ARHGEF4: variants seen among roughly 807,000 people sequenced by gnomAD.
The protein encoded by ARHGEF4 is APC-stimulated guanine nucleotide exchange factor 1.
A neutral mutation model predicts 162.0 loss-of-function variants in ARHGEF4; 119 were observed. The ratio of observed to expected loss-of-function variants is 0.73; its 90% CI spans 0.63 to 0.86. ARHGEF4 has a LOEUF of 0.86. Ranked by LOEUF, ARHGEF4 falls within the 40% of genes least tolerant of loss-of-function variation. The probability of loss-of-function intolerance (pLI) is 0.00; values close to 1 mark genes in which losing one functional copy is unlikely to be tolerated. For missense variants in ARHGEF4, 2,488 were observed against 2,456.0 expected (o/e 1.01, Z -0.28); for synonymous variants, 1,014 against 979.9 (o/e 1.03, Z -0.65).
rs1177213757 is a variant in ARHGEF4 at position 130,931,191 on chromosome 2, G to A, written c.3792G>A (p.Lys1264=). ...DLWLEKTQRK[K]LQKQAHVERR... ...GGCTGGAGAAGACACAGAGAAAGAA[G>A]TTGCAGAAGCAGGCCCACGTCGAAA... Residue 1264 remains lysine (K), a synonymous_variant, in exon 3 of 14, where the codon AAG becomes AAA. Coordinates refer to ENST00000409359, the MANE Select transcript of ARHGEF4 (RefSeq NM_001367493.1). 6.2e-7 allele frequency: 1 copy of A among 1,614,068 alleles called. No homozygotes were observed. Among genetic ancestry groups the A allele is most frequent in the Non-Finnish European group, 8.5e-7 (1 of 1,179,950 alleles).
intron 8 of ARHGEF4, 88 bp downstream of exon 8, chr2:131,040,528 C>A: frequency 7.1e-7 from 1 of 1,398,716 alleles, no homozygotes; most frequent in Non-Finnish European, 9.5e-7. Flanking sequence ...TGGCTGGTCC[C>A]AAAACCTTCC....
Position 131,046,254 on chromosome 2 carries a change from G to T in ARHGEF4, c.*65G>T. On this transcript the variant is annotated 3_prime_UTR_variant, in exon 14 of 14. Coordinates refer to ENST00000409359, the MANE Select transcript of ARHGEF4 (RefSeq NM_001367493.1). ...CAGTGGCCCCCAGTTTTTCTTCCCC[G>T]AGGCCCACTCGGCCTGGCCTTCCTC... 6.6e-7 allele frequency: 1 copy of T among 1,516,214 alleles called. No individual in the cohort carries two copies. Among genetic ancestry groups the T allele is most frequent in the Non-Finnish European group, 8.9e-7 (1 of 1,118,186 alleles). The allele number at this position is 1,516,214 out of a possible 1,614,324, so 93.9% of individuals were successfully genotyped here. A position where few individuals can be genotyped will look rare whatever the true frequency, so the allele number is the denominator to read the frequency against.
chr2:130,899,926 A>C (rs1680389901), intron 1 of ARHGEF4, among the ~76,000 whole-genome samples: 1 of 151,948 alleles, frequency 6.6e-6, no homozygotes, highest in African/African-American at 2.4e-5. Context: ...CATATGCTGC[A>C]TTTTAATTTT....
chr2:130,886,839 AT>A (rs910237634), intron 1 of ARHGEF4, among the ~76,000 whole-genome samples: 170 of 147,656 alleles, frequency 1.2e-3, no homozygotes, highest in Admixed American at 2.7e-3. Context: ...ACTTTTGGTA[AT>A]TTTTTTTTTT....
At chr2:130,950,966 A>C (rs940576005) in intron 4 of ARHGEF4, among the ~76,000 whole-genome samples, 5 of 152,198 alleles carry the variant, frequency 3.3e-5, no homozygotes, top group African/African-American at 1.2e-4. Flanking sequence ...CTTGCACTTC[A>C]GTGCTAGGGA....
chr2:130,923,415 T>C (rs1229330139), intron 2 of ARHGEF4, among the ~76,000 whole-genome samples: 1 of 152,222 alleles, frequency 6.6e-6, no homozygotes, highest in Non-Finnish European at 1.5e-5. Flanking sequence ...CATTCATCTG[T>C]TTGTCCGTCC....
intron 1 of ARHGEF4, among the ~76,000 whole-genome samples, chr2:130,908,352 CA>C (rs1208705862): frequency 1.3e-5 from 2 of 152,152 alleles, no homozygotes; most frequent in African/African-American, 2.4e-5. Flanking sequence ...AGCCTTTGGG[CA>C]GAGACTGTGG....
chr2:130,882,487 A>G (rs1679254654), intron 1 of ARHGEF4, among the ~76,000 whole-genome samples: 1 of 152,000 alleles, frequency 6.6e-6, no homozygotes, highest in African/African-American at 2.4e-5. Context: ...GGCTTTTTGC[A>G]TAAAGGCACT....
intron 4 of ARHGEF4, among the ~76,000 whole-genome samples, chr2:130,998,173 T>C (rs1268713440): frequency 2.0e-5 from 3 of 152,240 alleles, no homozygotes; most frequent in Non-Finnish European, 4.4e-5. Context: ...GTAGTATTTA[T>C]ATATTTCCTA....
chr2:130,947,558 G>A (rs1421232479), intron 4 of ARHGEF4, among the ~76,000 whole-genome samples: 1 of 152,186 alleles, frequency 6.6e-6, no homozygotes, highest in African/African-American at 2.4e-5. Flanking sequence ...GAACTTGGGT[G>A]TTTTCCGTTC....
At chr2:130,991,355 G>A (rs1412711008) in intron 4 of ARHGEF4, among the ~76,000 whole-genome samples, 1 of 152,240 alleles carries the variant, frequency 6.6e-6, no homozygotes. Flanking sequence ...GGCACTTGAG[G>A]AGGCCTTCAG....
intron 1 of ARHGEF4, among the ~76,000 whole-genome samples, chr2:130,894,692 T>C (rs1680054242): frequency 6.6e-6 from 1 of 152,120 alleles, no homozygotes; most frequent in South Asian, 2.1e-4. Flanking sequence ...CTAGTGAGGC[T>C]CCTTAACAAT....
chr2:130,954,642 CAATT>C (rs1316920735), intron 4 of ARHGEF4, among the ~76,000 whole-genome samples: 1 of 152,144 alleles, frequency 6.6e-6, no homozygotes, highest in Non-Finnish European at 1.5e-5. Flanking sequence ...GCTAAGAAAT[CAATT>C]GTTAATCATA....
intron 2 of ARHGEF4, among the ~76,000 whole-genome samples, chr2:130,927,783 C>T (rs1490872736): frequency 6.6e-6 from 1 of 152,198 alleles, no homozygotes; most frequent in Non-Finnish European, 1.5e-5. Flanking sequence ...TTCTTCTCGC[C>T]ACCATTCAGA....
chr2:130,941,806 T>A (rs949212890), intron 3 of ARHGEF4, among the ~76,000 whole-genome samples: 2 of 152,164 alleles, frequency 1.3e-5, no homozygotes, highest in African/African-American at 4.8e-5. Context: ...CAGTTGGTCT[T>A]GTCTCAGAAG....
At chr2:130,885,770 C>A (rs984249182) in intron 1 of ARHGEF4, among the ~76,000 whole-genome samples, 1 of 151,660 alleles carries the variant, frequency 6.6e-6, no homozygotes, top group East Asian at 2.0e-4. Context: ...TGGGGTTTCA[C>A]CATGTTGGCC....
intron 4 of ARHGEF4, among the ~76,000 whole-genome samples, chr2:130,965,745 C>A (rs192700484): frequency 6.6e-6 from 1 of 152,242 alleles, no homozygotes; most frequent in Non-Finnish European, 1.5e-5. Context: ...GGCAGAGACC[C>A]TAGTTTATTA....
At chr2:130,976,858 G>T (rs1685752486) in intron 4 of ARHGEF4, among the ~76,000 whole-genome samples, 4 of 151,988 alleles carry the variant, frequency 2.6e-5, no homozygotes, top group Admixed American at 2.6e-4. Context: ...TGTTTGTGGT[G>T]TGTGTCTGGT....
At chr2:130,956,033 C>G (rs1325630446) in intron 4 of ARHGEF4, among the ~76,000 whole-genome samples, 2 of 152,176 alleles carry the variant, frequency 1.3e-5, no homozygotes, top group African/African-American at 4.8e-5. Context: ...TCTGTGGAGC[C>G]CTTGGGGAGG....
Sources: allele counts gnomAD v4.1 joint callset (sites outside exome capture counted in the v4.1 genomes callset), GRCh38; gene constraint gnomAD v4.1.1; transcripts MANE v1.5; gene names NCBI Gene and HGNC (gene_info 2026-07-23, HGNC 2026-07-21).